The following CNTN5 variants were observed in gnomAD, a reference collection of about 807,000 sequenced individuals.
CNTN5 encodes the protein contactin-5.
In CNTN5, 77 loss-of-function variants were observed where a neutral mutation model predicts 129.1. That is an observed-to-expected ratio of 0.60 (90% CI 0.50 to 0.72). The LOEUF is 0.72. Among genes scored for constraint, CNTN5 ranks in the 30% least tolerant of loss-of-function variants. The probability of loss-of-function intolerance (pLI) is 0.00; values close to 1 mark genes in which losing one functional copy is unlikely to be tolerated. For synonymous variants in CNTN5, 509 were observed against 465.6 expected (o/e 1.09, Z -1.20); for missense variants, 1,478 against 1,328.8 (o/e 1.11, Z -1.75).
At chr11:100,237,063 C>T (rs1949631729) in intron 16 of CNTN5, among the ~76,000 whole-genome samples, 1 of 151,860 alleles carries the variant, frequency 6.6e-6, no homozygotes, top group Non-Finnish European at 1.5e-5. Context: ...GTGGTGGGCG[C>T]CTCTAGTCCC....
chr11:99,610,105 T>C (rs1360478640), intron 3 of CNTN5, among the ~76,000 whole-genome samples: 1 of 152,170 alleles, frequency 6.6e-6, no homozygotes, highest in South Asian at 2.1e-4. Flanking sequence ...TTTGTCAGTC[T>C]AGTTCAAAAG....
intron 1 of CNTN5, among the ~76,000 whole-genome samples, chr11:99,274,488 T>C (rs1403762091): frequency 2.0e-5 from 3 of 151,666 alleles, no homozygotes; most frequent in African/African-American, 4.8e-5. Flanking sequence ...CAGTACATTG[T>C]AAATGTGTAC....
chr11:99,804,854 C>G (rs1231576945), intron 3 of CNTN5, among the ~76,000 whole-genome samples: 1 of 149,528 alleles, frequency 6.7e-6, no homozygotes. Context: ...AAAATATATA[C>G]ACATATATAT....
chr11:99,548,988 C>T (rs1001241149), intron 2 of CNTN5, among the ~76,000 whole-genome samples: 1 of 152,128 alleles, frequency 6.6e-6, no homozygotes, highest in Non-Finnish European at 1.5e-5. Flanking sequence ...GACCTTTTCA[C>T]TATCATTGTG....
At position 99,956,863 on chromosome 11, in the gene CNTN5, G is replaced by A. The variant is rs201219815; in HGVS notation, c.731G>A (p.Arg244Gln). The change falls in exon 8 of 25, where the codon CGG becomes CAG. Residue 244 changes from arginine (R) to glutamine (Q), a missense_variant. Transcript: ENST00000524871. ...EFPSFVAEDS[R>Q]RFISQETGNL... ...CCTTCCTTTGTGGCGGAAGACAGCC[G>A]GCGGTTCATCTCCCAGGAGACAGGC... 8 of 1,613,796 alleles carry A rather than the reference G, an allele frequency of 5.0e-6. No individual in the cohort carries two copies. The highest frequency in any genetic ancestry group is 2.2e-5 in the East Asian group (1 of 44,850).
chr11:99,578,890 A>G (rs1283929773), intron 3 of CNTN5, among the ~76,000 whole-genome samples: 2 of 152,102 alleles, frequency 1.3e-5, no homozygotes, highest in East Asian at 3.9e-4. Flanking sequence ...TGTTTTAGAC[A>G]TGAAGTCCTT....
intron 1 of CNTN5, among the ~76,000 whole-genome samples, chr11:99,091,155 T>C (rs370675387): frequency 3.2e-4 from 48 of 152,010 alleles, no homozygotes; most frequent in African/African-American, 9.9e-4. Context: ...TCTGCCTTTC[T>C]AAACTGAAGA....
intron 2 of CNTN5, among the ~76,000 whole-genome samples, chr11:99,432,106 G>A (rs1943394081): frequency 6.6e-6 from 1 of 152,130 alleles, no homozygotes; most frequent in Admixed American, 6.6e-5. Flanking sequence ...GAATAAAAGG[G>A]AAGGCAGTTT....
intron 2 of CNTN5, among the ~76,000 whole-genome samples, chr11:99,461,743 C>T (rs1944706755): frequency 6.6e-6 from 1 of 151,990 alleles, no homozygotes; most frequent in Non-Finnish European, 1.5e-5. Flanking sequence ...AAAGTATAAA[C>T]TCTTTTCCAT....
Position 99,987,469 on chromosome 11 carries a change from C to A in CNTN5, c.878-14565C>A, listed in dbSNP as rs538104497. 4.0e-5 allele frequency among the ~76,000 whole-genome samples: 6 copies of A among 150,454 alleles called. No homozygotes were observed. In the South Asian group the frequency reaches 1.3e-3, roughly 31 times the overall value. On this transcript the variant is annotated intron_variant, in intron 8 of 24. Transcript: ENST00000524871. ...GCACATATATATTTTATATATATTT[C>A]TTTCTCCATATGTGTATATATTTAC...
intron 3 of CNTN5, among the ~76,000 whole-genome samples, chr11:99,734,379 C>G (rs1943631829): frequency 6.6e-6 from 1 of 152,132 alleles, no homozygotes; most frequent in Non-Finnish European, 1.5e-5. Context: ...TATCACTTCA[C>G]TTTCTTGTCA....
At chr11:99,842,040 C>G (rs12420457) in intron 4 of CNTN5, among the ~76,000 whole-genome samples, 1 of 151,778 alleles carries the variant, frequency 6.6e-6, no homozygotes, top group Admixed American at 6.6e-5. Context: ...GCATGCACCC[C>G]ACGCACCACC....
intron 2 of CNTN5, among the ~76,000 whole-genome samples, chr11:99,451,467 G>T (rs1944298437): frequency 1.3e-5 from 2 of 152,108 alleles, no homozygotes; most frequent in African/African-American, 4.8e-5. Context: ...TTCCTTTTAA[G>T]TGTATTCTGA....
rs549031159 is a variant in CNTN5 at position 99,741,726 on chromosome 11, T to C, written c.56-77818T>C. Among the ~76,000 whole-genome samples, 14 of 152,284 alleles carry C rather than the reference T, an allele frequency of 9.2e-5. No individual in the cohort carries two copies. The South Asian group carries it at 2.7e-3, about 29-fold the overall frequency. On this transcript the variant is annotated intron_variant, in intron 3 of 24. Transcript: ENST00000524871. ...AAGCCCTTCAAAATCTTTCTACTAA[T>C]TGTTTTACTCAATTTAGAAAGTTCA...
At chr11:100,074,902 A>G (rs1944066965) in intron 13 of CNTN5, among the ~76,000 whole-genome samples, 1 of 152,172 alleles carries the variant, frequency 6.6e-6, no homozygotes, top group African/African-American at 2.4e-5. Flanking sequence ...GAGGGAATCA[A>G]ATCATCACAT....
At chr11:99,767,918 C>G (rs991252133) in intron 3 of CNTN5, among the ~76,000 whole-genome samples, 1 of 151,848 alleles carries the variant, frequency 6.6e-6, no homozygotes, top group African/African-American at 2.4e-5. Flanking sequence ...AAATGAACAC[C>G]CATATAAATA....
rs573535904 is a variant in CNTN5, at chr11:99,636,047, A to T, written c.55+79778A>T. ...AGTCTCTTGAATATGCTTCATTCTTAAAAAAGGACTGAAGTAGAAAACTAT... is the reference window on the plus strand; with the variant it reads ...AGTCTCTTGAATATGCTTCATTCTTTAAAAAGGACTGAAGTAGAAAACTAT... On this transcript the variant is annotated intron_variant, in intron 3 of 24. Transcript: ENST00000524871. 2.6e-5 allele frequency among the ~76,000 whole-genome samples: 4 copies of T among 152,158 alleles called. No homozygotes were observed. In the East Asian group the frequency reaches 7.7e-4, roughly 29 times the overall value.
chr11:99,709,885 C>G (rs912646706), intron 3 of CNTN5, among the ~76,000 whole-genome samples: 2 of 151,820 alleles, frequency 1.3e-5, no homozygotes, highest in Admixed American at 6.6e-5. Flanking sequence ...AAAAAAAGAT[C>G]TAATGAAAGT....
chr11:99,114,495 T>TTTTTTCTTTCCTTCCTTCC (rs1857949476), intron 1 of CNTN5, among the ~76,000 whole-genome samples: 1 of 150,938 alleles, frequency 6.6e-6, no homozygotes, highest in Admixed American at 6.6e-5. Context: ...TTCTTCCTTC[T>TTTTTTCTTTCCTTCCTTCC]TTTTTCTTTC....
Sources: gnomAD v4.1 joint callset for allele counts (sites outside exome capture counted in the v4.1 genomes callset) on GRCh38, gnomAD v4.1.1 for gene constraint, MANE v1.5 for transcripts, NCBI Gene and HGNC (gene_info 2026-07-23, HGNC 2026-07-21) for gene names.